The following MSI2 variants were observed in gnomAD, a reference collection of about 807,000 sequenced individuals.
MSI2 encodes the protein musashi RNA binding protein 2.
Under a neutral mutation model 45.6 loss-of-function variants are expected in MSI2, and 17 were observed. That is an observed-to-expected ratio of 0.37 (90% CI 0.26 to 0.56). The LOEUF (loss-of-function observed/expected upper bound fraction) is 0.56, where lower values mean the gene tolerates loss of function less well. Among genes scored for constraint, MSI2 ranks in the 20% least tolerant of loss-of-function variants. The pLI, the probability that MSI2 is intolerant of heterozygous loss-of-function variation, is 0.77. For missense variants in MSI2, 293 were observed against 444.2 expected (o/e 0.66, Z 3.06); for synonymous variants, 156 against 158.2 (o/e 0.99, Z 0.11).
chr17:57,299,546 C>T (rs1002887332), intron 5 of MSI2, among the ~76,000 whole-genome samples: 2 of 152,048 alleles, frequency 1.3e-5, no homozygotes, highest in African/African-American at 2.4e-5. Context: ...GGGGAATGGC[C>T]GGTCAGTGGA....
Position 57,652,291 on chromosome 17 carries a change from G to A in MSI2, c.790+130G>A, listed in dbSNP as rs943380578. The A allele has an allele frequency of 1.2e-5, 12 of 963,340 alleles. No homozygotes were observed. Among genetic ancestry groups the A allele is most frequent in the East Asian group, 2.6e-5 (1 of 38,330 alleles). 59.7% of individuals were successfully genotyped at this position (963,340 alleles called of 1,614,324 possible). ...CTCACCACAGCCCCGGGGAGGGGGT[G>A]GACGGGGAGGGGGTGGACCGGGAGG... On this transcript the variant is annotated intron_variant, in intron 11 of 13. Transcript: ENST00000284073. This position sits in a 1 kb window ranked among gnomAD's most constrained non-coding sequence, Gnocchi z 4.1.
At chr17:57,366,954 C>T (rs1290932976) in intron 5 of MSI2, among the ~76,000 whole-genome samples, 1 of 152,186 alleles carries the variant, frequency 6.6e-6, no homozygotes, top group Non-Finnish European at 1.5e-5. Context: ...CCCCTCCTCT[C>T]TCCTATCTAA....
chr17:57,530,781 G>C (rs1237954094), intron 7 of MSI2, among the ~76,000 whole-genome samples: 1 of 152,190 alleles, frequency 6.6e-6, no homozygotes, highest in East Asian at 1.9e-4. Context: ...AAGGCAGAGT[G>C]AGTGAAAGGC....
intron 6 of MSI2, among the ~76,000 whole-genome samples, chr17:57,486,669 T>C (rs1294692996): frequency 2.0e-5 from 3 of 152,216 alleles, no homozygotes; most frequent in Non-Finnish European, 4.4e-5. Flanking sequence ...AGACAATAAA[T>C]TCTGAAGTCT....
chr17:57,572,990 C>A (rs1213003462), intron 7 of MSI2, among the ~76,000 whole-genome samples: 1 of 152,172 alleles, frequency 6.6e-6, no homozygotes, highest in Non-Finnish European at 1.5e-5. Context: ...CCGACAACTC[C>A]GTCTGAGGAT....
chr17:57,361,823 T>C (rs995613031), intron 5 of MSI2, among the ~76,000 whole-genome samples: 1 of 152,206 alleles, frequency 6.6e-6, no homozygotes, highest in Non-Finnish European at 1.5e-5. Context: ...CTTGTGTTGT[T>C]CAAGGTTTGA....
At position 57,407,663 on chromosome 17, in the gene MSI2, C is replaced by T. The variant is rs1055778868; in HGVS notation, c.405+6192C>T. ...GGGCCTCACCCTGTCCTCTGCTCCACCTTTTTCTGGAGAGCCTGGGTGTTG... is the reference window on the plus strand; with the variant it reads ...GGGCCTCACCCTGTCCTCTGCTCCATCTTTTTCTGGAGAGCCTGGGTGTTG... On this transcript the variant is annotated intron_variant, in intron 6 of 13. Transcript: ENST00000284073. This position sits in a 1 kb window ranked among gnomAD's most constrained non-coding sequence, Gnocchi z 4.1. Among the ~76,000 whole-genome samples, 10 of 152,182 alleles carry T rather than the reference C, an allele frequency of 6.6e-5. No homozygotes were observed. The highest frequency in any genetic ancestry group is 2.4e-4 in the African/African-American group (10 of 41,440).
At chr17:57,525,284 GT>G (rs1697857518) in intron 6 of MSI2, among the ~76,000 whole-genome samples, 1 of 150,200 alleles carries the variant, frequency 6.7e-6, no homozygotes, top group Non-Finnish European at 1.5e-5. Context: ...GGGGGGGCAG[GT>G]GGGGGAGGTT....
intron 7 of MSI2, among the ~76,000 whole-genome samples, chr17:57,583,488 CTTT>C (rs5821192): frequency 3.0e-4 from 29 of 97,990 alleles, no homozygotes; most frequent in Middle Eastern, 5.2e-3. Flanking sequence ...CCCAATGTTT[CTTT>C]TTTTTTTTTT....
At chr17:57,557,458 T>C (rs755337973) in intron 7 of MSI2, among the ~76,000 whole-genome samples, 11 of 152,236 alleles carry the variant, frequency 7.2e-5, no homozygotes, top group Non-Finnish European at 1.5e-4. Context: ...ATAACAAGTT[T>C]GGAATGAATT....
chr17:57,480,074 C>T (rs576940052), intron 6 of MSI2, among the ~76,000 whole-genome samples: 2 of 152,256 alleles, frequency 1.3e-5, no homozygotes, highest in East Asian at 3.9e-4. Flanking sequence ...CAGGTTCAAA[C>T]GATTCTTCTG....
rs1039239043 is a variant in MSI2 at position 57,464,959 on chromosome 17, G to A, written c.405+63488G>A. On this transcript the variant is annotated intron_variant, in intron 6 of 13. Coordinates refer to ENST00000284073, the MANE Select transcript of MSI2 (RefSeq NM_138962.4). The stretch of plus-strand genomic sequence containing the variant: ...CACTAGCCTCCCTGTTAAGTGGTGC[G>A]GCTTCCTTGCTTCCTGCTGACAGCA... Among the ~76,000 whole-genome samples the A allele has an allele frequency of 8.5e-5, 13 of 152,280 alleles. No individual in the cohort carries two copies. The South Asian group carries it at 1.7e-3, about 19-fold the overall frequency.
intron 8 of MSI2, among the ~76,000 whole-genome samples, chr17:57,615,241 C>T (rs62058122): frequency 0.076 from 11,521 of 151,640 alleles, 520 homozygotes; most frequent in South Asian, 0.15. Flanking sequence ...GATCCCCCTA[C>T]CTCAGCCTCC....
intron 5 of MSI2, chr17:57,264,416 G>A (rs1907592252): frequency 6.6e-6 from 1 of 152,028 alleles, no homozygotes; most frequent in Admixed American, 6.6e-5. Context: ...ATCTCACTGT[G>A]TTGCCCAGGC....
intron 7 of MSI2, among the ~76,000 whole-genome samples, chr17:57,562,662 C>T (rs1310686742): frequency 6.6e-6 from 1 of 152,182 alleles, no homozygotes; most frequent in African/African-American, 2.4e-5. Context: ...GTTTTCATTT[C>T]ACCAACATAA....
In MSI2 at chr17:57,259,838, G is replaced by T. The variant is rs181509988; in HGVS notation, c.270+1484G>T. On this transcript the variant is annotated intron_variant, in intron 4 of 13. Coordinates refer to ENST00000284073, the MANE Select transcript of MSI2 (RefSeq NM_138962.4). The stretch of plus-strand genomic sequence containing the variant: ...TACCTGGGTGGGAGAAACAGTATTT[G>T]GTTTCTGTGGTGGCTGGTGGGTCAT... The T allele has an allele frequency of 6.6e-5, 10 of 152,328 alleles. No individual in the cohort carries two copies. In the East Asian group the frequency reaches 1.9e-3, roughly 29 times the overall value. The allele number at this position is 152,328 out of a possible 1,614,324, so 9.4% of individuals were successfully genotyped here.
At chr17:57,403,345 T>C (rs1274690578) in intron 6 of MSI2, among the ~76,000 whole-genome samples, 1 of 152,228 alleles carries the variant, frequency 6.6e-6, no homozygotes, top group Non-Finnish European at 1.5e-5. Context: ...CACTTATCAT[T>C]GTGACCCAGT....
intron 7 of MSI2, among the ~76,000 whole-genome samples, chr17:57,585,023 GGCC>G (rs2088308706): frequency 2.0e-5 from 3 of 151,936 alleles, no homozygotes; most frequent in African/African-American, 7.3e-5. Flanking sequence ...TCACCATGTT[GGCC>G]AGGCTGGTCT....
At chr17:57,356,162 A>T (rs1916399121) in intron 5 of MSI2, among the ~76,000 whole-genome samples, 1 of 152,180 alleles carries the variant, frequency 6.6e-6, no homozygotes, top group Non-Finnish European at 1.5e-5. Context: ...GGCTTGAGCC[A>T]CCGTGCCTGG....
Sources: gnomAD v4.1 joint callset for allele counts (sites outside exome capture counted in the v4.1 genomes callset) on GRCh38, gnomAD v4.1.1 for gene constraint, Gnocchi (gnomAD v3.1) non-coding constraint, MANE v1.5 for transcripts, NCBI Gene and HGNC (gene_info 2026-07-23, HGNC 2026-07-21) for gene names.